Variants in GPC6 observed in about 807,000 individuals in gnomAD.
The protein encoded by GPC6 is glypican-6.
Under a neutral mutation model 55.2 loss-of-function variants are expected in GPC6, and 14 were observed. The ratio of observed to expected loss-of-function variants is 0.25; its 90% CI spans 0.17 to 0.40. The LOEUF is 0.40. Ranked by LOEUF, GPC6 falls within the 10% of genes least tolerant of loss-of-function variation. The pLI is 1.00. For missense variants in GPC6, 641 were observed against 708.5 expected (o/e 0.90, Z 1.08); for synonymous variants, 278 against 259.6 (o/e 1.07, Z -0.68).
At chr13:93,478,967 T>G (rs1472375758) in intron 1 of GPC6, among the ~76,000 whole-genome samples, 1 of 152,178 alleles carries the variant, frequency 6.6e-6, no homozygotes, top group East Asian at 1.9e-4. Context: ...ATGGGTGTAC[T>G]CAGAAAGGGA....
At chr13:93,358,051 A>T (rs893246587) in intron 1 of GPC6, among the ~76,000 whole-genome samples, 1 of 152,054 alleles carries the variant, frequency 6.6e-6, no homozygotes, top group African/African-American at 2.4e-5. Context: ...AATTTTTGTG[A>T]TAATAGTTAA....
intron 1 of GPC6, among the ~76,000 whole-genome samples, chr13:93,515,189 T>C (rs1881140016): frequency 6.6e-6 from 1 of 152,164 alleles, no homozygotes; most frequent in Non-Finnish European, 1.5e-5. Context: ...ATGGTCATCT[T>C]TAAATCAGGC....
intron 2 of GPC6, among the ~76,000 whole-genome samples, chr13:93,586,519 C>G (rs959897348): frequency 1.3e-5 from 2 of 152,114 alleles, no homozygotes; most frequent in African/African-American, 4.8e-5. Context: ...AGAGAAAGTA[C>G]TTCCTGTTCA....
chr13:93,812,142 T>TGGGGGGGGGG (rs35966772), intron 2 of GPC6, among the ~76,000 whole-genome samples: 2 of 73,818 alleles, frequency 2.7e-5, no homozygotes, highest in Non-Finnish European at 3.2e-5. Flanking sequence ...TGCAAGGCGG[T>TGGGGGGGGGG]GGGGGGGGGG....
intron 3 of GPC6, among the ~76,000 whole-genome samples, chr13:93,935,330 G>C (rs1310775139): frequency 3.3e-5 from 5 of 151,970 alleles, no homozygotes; most frequent in African/African-American, 1.2e-4. Flanking sequence ...ACTTATTGTT[G>C]AGTTCCCACT....
chr13:94,111,064 T>C (rs974482345), intron 4 of GPC6, among the ~76,000 whole-genome samples: 1 of 152,130 alleles, frequency 6.6e-6, no homozygotes, highest in Non-Finnish European at 1.5e-5. Flanking sequence ...TTAGATAGCA[T>C]TTCCCTGATT....
intron 6 of GPC6, among the ~76,000 whole-genome samples, chr13:94,347,085 C>T (rs567878375): frequency 4.6e-5 from 7 of 152,070 alleles, no homozygotes; most frequent in East Asian, 1.9e-4. Context: ...TCATTTTGTT[C>T]GTTGGAGGTG....
intron 1 of GPC6, among the ~76,000 whole-genome samples, chr13:93,520,963 C>T (rs1474066417): frequency 5.3e-5 from 8 of 151,660 alleles, no homozygotes; most frequent in Non-Finnish European, 1.2e-4. Context: ...GTGGAGGTCA[C>T]GTTAAGTAAT....
chr13:94,258,829 G>A (rs1891575719), intron 4 of GPC6, among the ~76,000 whole-genome samples: 1 of 152,148 alleles, frequency 6.6e-6, no homozygotes, highest in Non-Finnish European at 1.5e-5. Context: ...GAAGACTCAG[G>A]CTCCTCTCAT....
At chr13:93,374,360 C>A (rs1874798207) in intron 1 of GPC6, among the ~76,000 whole-genome samples, 1 of 152,124 alleles carries the variant, frequency 6.6e-6, no homozygotes, top group South Asian at 2.1e-4. Context: ...CAAACACAGG[C>A]CCCCATCTTT....
intron 1 of GPC6, among the ~76,000 whole-genome samples, chr13:93,325,802 C>A (rs1216322207): frequency 1.3e-5 from 2 of 151,914 alleles, no homozygotes; most frequent in Non-Finnish European, 2.9e-5. Flanking sequence ...GTAGATGTAT[C>A]CATCTGGTAG....
chr13:93,418,148 G>T (rs1304727441), intron 1 of GPC6, among the ~76,000 whole-genome samples: 3 of 151,024 alleles, frequency 2.0e-5, no homozygotes, highest in Non-Finnish European at 4.4e-5. Context: ...TTTAATTTTT[G>T]TGTGTGCATA....
chr13:93,561,664 A>ATAACTTAG (rs1875818875), intron 2 of GPC6, among the ~76,000 whole-genome samples: 1 of 151,998 alleles, frequency 6.6e-6, no homozygotes, highest in South Asian at 2.1e-4. Context: ...GTGCTCATTG[A>ATAACTTAG]TAACTTAGAA....
rs193143967 is a variant in GPC6, at chr13:94,159,767, A to G, written c.878-126582A>G. Among the ~76,000 whole-genome samples, 694 of 152,332 alleles carry G rather than the reference A, an allele frequency of 4.6e-3. 3 individuals are homozygous for G. Among genetic ancestry groups the G allele is most frequent in the Middle Eastern group, 0.01 (3 of 294 alleles). On this transcript the variant is annotated intron_variant, in intron 4 of 8. Transcript: ENST00000377047. ...CTAAGATAAGGTCTATGCTCAATAA[A>G]TGGTCACTAGTACTAATTAAAAGGT...
At chr13:94,196,642 A>G (rs1889586201) in intron 4 of GPC6, among the ~76,000 whole-genome samples, 1 of 152,134 alleles carries the variant, frequency 6.6e-6, no homozygotes, top group Non-Finnish European at 1.5e-5. Flanking sequence ...GAACAAGCGG[A>G]AGAGTTTTAC....
chr13:93,301,895 C>T (rs879200876), intron 1 of GPC6, among the ~76,000 whole-genome samples: 10 of 152,008 alleles, frequency 6.6e-5, no homozygotes, highest in Admixed American at 2.0e-4. Context: ...TGAAGAGCCC[C>T]GATGGATTAT....
rs765878132 is a variant in GPC6, at chr13:93,279,524, A to G, written c.160+51908A>G. 5.9e-5 allele frequency among the ~76,000 whole-genome samples: 9 copies of G among 152,332 alleles called. 1 individual carries two copies. In the South Asian group the frequency reaches 1.7e-3, roughly 28 times the overall value. On this transcript the variant is annotated intron_variant, in intron 1 of 8. Coordinates refer to ENST00000377047, the MANE Select transcript of GPC6 (RefSeq NM_005708.5). ...ACTAAATTTACTTGATTGCAGAACT[A>G]TCTTTTTACATAACATTGATTGCCT...
At chr13:93,417,042 C>T (rs1039354503) in intron 1 of GPC6, among the ~76,000 whole-genome samples, 1 of 152,106 alleles carries the variant, frequency 6.6e-6, no homozygotes, top group African/African-American at 2.4e-5. Flanking sequence ...TAATGTGAAG[C>T]TTCCAAATTC....
chr13:93,439,551 A>G (rs1594170133), intron 1 of GPC6, among the ~76,000 whole-genome samples: 1 of 151,958 alleles, frequency 6.6e-6, no homozygotes, highest in African/African-American at 2.4e-5. Flanking sequence ...TCTTTCTTTT[A>G]TAAATTACCC....
Sources: allele counts gnomAD v4.1 joint callset (sites outside exome capture counted in the v4.1 genomes callset), GRCh38; gene constraint gnomAD v4.1.1; transcripts MANE v1.5; gene names NCBI Gene and HGNC (gene_info 2026-07-23, HGNC 2026-07-21).